The following RPS6KA2 variants were observed in gnomAD, a reference collection of about 807,000 sequenced individuals.
RPS6KA2 encodes the protein ribosomal protein S6 kinase A2.
Under a neutral mutation model 91.8 loss-of-function variants are expected in RPS6KA2, and 42 were observed. The ratio of observed to expected loss-of-function variants is 0.46; its 90% confidence interval spans 0.36 to 0.59. The LOEUF is 0.59. Among genes scored for constraint, RPS6KA2 ranks in the 20% least tolerant of loss-of-function variants. The pLI is 0.00. For missense variants in RPS6KA2, 798 were observed against 978.5 expected (o/e 0.82, Z 2.46); for synonymous variants, 414 against 393.6 (o/e 1.05, Z -0.61).
intron 10 of RPS6KA2, among the ~76,000 whole-genome samples, chr6:166,484,156 G>A (rs1293420250): frequency 2.0e-5 from 3 of 152,198 alleles, no homozygotes; most frequent in African/African-American, 7.2e-5. Context: ...GGTCAGGCTC[G>A]ACTCAACTCC....
chr6:166,656,150 A>G (rs1309816848), intron 2 of RPS6KA2, among the ~76,000 whole-genome samples: 1 of 152,248 alleles, frequency 6.6e-6, no homozygotes, highest in Non-Finnish European at 1.5e-5. Flanking sequence ...TTATTTACAT[A>G]AGCCTCAAAA....
At position 166,459,389 on chromosome 6, in the gene RPS6KA2, C is replaced by T. The variant is rs1210603766; in HGVS notation, c.1075+60G>A. On this transcript the variant is annotated intron_variant, in intron 12 of 20. Coordinates refer to ENST00000265678, the MANE Select transcript of RPS6KA2 (RefSeq NM_021135.6). The surrounding 1 kb of genome is among the most constrained non-coding windows in gnomAD (Gnocchi z 4.9). ...ATGGGAATTTCTTGTTCCTAGATATCTGTCTCTAAGGGGTCAGGTGGGAGA... is the reference window on the plus strand; with the variant it reads ...ATGGGAATTTCTTGTTCCTAGATATTTGTCTCTAAGGGGTCAGGTGGGAGA... 3 of 966,704 alleles carry T rather than the reference C, an allele frequency of 3.1e-6. No individual in the cohort carries two copies. Among genetic ancestry groups the T allele is most frequent in the Non-Finnish European group, 4.9e-6 (3 of 614,902 alleles). 59.9% of individuals were successfully genotyped at this position (966,704 alleles called of 1,614,324 possible).
chr6:166,469,135 C>T (rs1221781384), intron 11 of RPS6KA2, among the ~76,000 whole-genome samples: 1 of 152,198 alleles, frequency 6.6e-6, no homozygotes, highest in East Asian at 1.9e-4. Flanking sequence ...ACGCGTCAGA[C>T]GCTGACTGCT....
In RPS6KA2 at chr6:166,600,286, C is replaced by A. The variant is rs115234956; in HGVS notation, c.99+26635G>T. Among the ~76,000 whole-genome samples, 1,488 of 152,294 alleles carry A rather than the reference C, an allele frequency of 9.8e-3. 13 individuals carry two copies. Among genetic ancestry groups the A allele is most frequent in the African/African-American group, 0.022 (900 of 41,560 alleles). Reference sequence around the variant, plus strand: ...TCCCAACATGCTGGGATGACAGGCACGAGCCATCATGCCTGGCCAAGGTTA... The same window carrying A: ...TCCCAACATGCTGGGATGACAGGCAAGAGCCATCATGCCTGGCCAAGGTTA... On this transcript the variant is annotated intron_variant, in intron 1 of 20. Transcript: ENST00000265678.
intron 2 of RPS6KA2, among the ~76,000 whole-genome samples, chr6:166,663,508 T>C (rs1788219883): frequency 6.6e-6 from 1 of 152,168 alleles, no homozygotes. Flanking sequence ...ACTCTGTGAG[T>C]GGCTGGATAG....
At chr6:166,430,124 AT>A (rs111475748) in intron 16 of RPS6KA2, among the ~76,000 whole-genome samples, 1,639 of 148,258 alleles carry the variant, frequency 0.011, 29 homozygotes, top group African/African-American at 0.036. Flanking sequence ...TGCCCAGCTA[AT>A]TTTTTTTTTG....
intron 2 of RPS6KA2, among the ~76,000 whole-genome samples, chr6:166,712,415 T>C (rs1789889451): frequency 6.6e-6 from 1 of 152,174 alleles, no homozygotes; most frequent in African/African-American, 2.4e-5. Flanking sequence ...ATAACACTCG[T>C]CAAAACAGAG....
chr6:166,746,112 T>C (rs1791000610), intron 2 of RPS6KA2, among the ~76,000 whole-genome samples: 1 of 152,296 alleles, frequency 6.6e-6, no homozygotes, highest in South Asian at 2.1e-4. Context: ...GATGGTCCTT[T>C]CAGCAAAGAA....
At chr6:166,787,327 T>G (rs1778959184) in intron 2 of RPS6KA2, among the ~76,000 whole-genome samples, 1 of 152,146 alleles carries the variant, frequency 6.6e-6, no homozygotes, top group African/African-American at 2.4e-5. Flanking sequence ...TTAAAAATAT[T>G]TAAGTGTTTT....
At chr6:166,689,023 C>T (rs1284198914) in intron 2 of RPS6KA2, among the ~76,000 whole-genome samples, 4 of 152,256 alleles carry the variant, frequency 2.6e-5, no homozygotes, top group Non-Finnish European at 4.4e-5. Flanking sequence ...TCCCCGAAAA[C>T]AAAGGAAACT....
In RPS6KA2 at chr6:166,495,939, C is replaced by T. The variant is rs1781770019; in HGVS notation, c.747+2569G>A. On this transcript the variant is annotated intron_variant, in intron 8 of 20. Transcript: ENST00000265678. The surrounding 1 kb of genome is among the most constrained non-coding windows in gnomAD (Gnocchi z 4.4). ...AGGCGAGCCCGACGTGGTCTCATTT[C>T]CTCTTCTTCTGGCCCCTCGTCGTGT... 6.6e-6 allele frequency among the ~76,000 whole-genome samples: 1 copy of T among 152,210 alleles called. No individual in the cohort carries two copies. The highest frequency in any genetic ancestry group is 1.5e-5 in the Non-Finnish European group (1 of 68,042).
intron 3 of RPS6KA2, among the ~76,000 whole-genome samples, chr6:166,524,495 T>C (rs1782959559): frequency 6.6e-6 from 1 of 152,120 alleles, no homozygotes; most frequent in Non-Finnish European, 1.5e-5. Flanking sequence ...GCCTTTCATA[T>C]TGTAACTGGA....
At chr6:166,831,529 T>C (rs1480225388) in intron 2 of RPS6KA2, among the ~76,000 whole-genome samples, 1 of 151,982 alleles carries the variant, frequency 6.6e-6, no homozygotes, top group Non-Finnish European at 1.5e-5. Flanking sequence ...CCGCACCTCT[T>C]CACAGGCTCC....
At chr6:166,724,727 A>G (rs1280590043) in intron 2 of RPS6KA2, among the ~76,000 whole-genome samples, 1 of 152,170 alleles carries the variant, frequency 6.6e-6, no homozygotes, top group African/African-American at 2.4e-5. Context: ...GCAGGTTCCT[A>G]TTCTTTTAAC....
At chr6:166,818,452 G>A (rs563576667) in intron 2 of RPS6KA2, among the ~76,000 whole-genome samples, 4 of 152,288 alleles carry the variant, frequency 2.6e-5, no homozygotes, top group Admixed American at 2.0e-4. Flanking sequence ...TTTGCAGCAC[G>A]TTAGCTGGCA....
chr6:166,851,246 C>T (rs987443588), intron 2 of RPS6KA2, among the ~76,000 whole-genome samples: 1 of 152,186 alleles, frequency 6.6e-6, no homozygotes, highest in East Asian at 1.9e-4. Flanking sequence ...GCCACCAGTC[C>T]TCAGGGGCTC....
At chr6:166,447,508 A>T (rs2281053) in intron 14 of RPS6KA2, among the ~76,000 whole-genome samples, 1 of 152,042 alleles carries the variant, frequency 6.6e-6, no homozygotes, top group Admixed American at 6.5e-5. Flanking sequence ...GGCGTCTTCT[A>T]TGACAGCAAA....
chr6:166,759,758 T>C (rs1778115478), intron 2 of RPS6KA2, among the ~76,000 whole-genome samples: 1 of 152,254 alleles, frequency 6.6e-6, no homozygotes, highest in African/African-American at 2.4e-5. Flanking sequence ...ACTGCTGGCG[T>C]CTTCTCATAC....
rs2128591340 is a variant in RPS6KA2 at position 166,737,872 on chromosome 6, T to C, written c.123+120328A>G. On this transcript the variant is annotated intron_variant, in intron 2 of 21. Coordinates refer to the RPS6KA2 transcript ENST00000503859. This position sits in a 1 kb window ranked among gnomAD's most constrained non-coding sequence, Gnocchi z 4.3. ...TCATAAACAGAAATAACTTTGATTA[T>C]GAAACGAAGCTATTTCTCATTGTGA... 6.6e-6 allele frequency among the ~76,000 whole-genome samples: 1 copy of C among 152,342 alleles called. No homozygotes were observed. Among genetic ancestry groups the C allele is most frequent in the South Asian group, 2.1e-4 (1 of 4,826 alleles).
Sources: allele counts gnomAD v4.1 joint callset (sites outside exome capture counted in the v4.1 genomes callset), GRCh38; gene constraint gnomAD v4.1.1; non-coding constraint Gnocchi (gnomAD v3.1); transcripts MANE v1.5; gene names NCBI Gene and HGNC (gene_info 2026-07-23, HGNC 2026-07-21).